The following ABTB3 variants were observed in gnomAD, a reference collection of about 807,000 sequenced individuals.
The protein encoded by ABTB3 is ankyrin repeat- and BTB/POZ domain-containing protein 3.
At chr12:107,589,657 G>A in the ABTB3 span, among the ~76,000 whole-genome samples, 1 of 152,236 alleles carries the variant, frequency 6.6e-6, no homozygotes, top group African/African-American at 2.4e-5. Context: ...CTTGTCCCAA[G>A]TGAGCAGAGG....
the ABTB3 span, among the ~76,000 whole-genome samples, chr12:107,477,134 C>A: frequency 6.6e-6 from 1 of 152,082 alleles, no homozygotes; most frequent in Non-Finnish European, 1.5e-5. Context: ...AAAATCAAGG[C>A]ATTGGTGCGC....
At chr12:107,356,357 C>T in the ABTB3 span, among the ~76,000 whole-genome samples, 1 of 152,226 alleles carries the variant, frequency 6.6e-6, no homozygotes, top group Non-Finnish European at 1.5e-5. Context: ...GAATGCACTT[C>T]CCCTTCCTTA....
chr12:107,626,343 C>CTT, the ABTB3 span, among the ~76,000 whole-genome samples: 4,457 of 112,430 alleles, frequency 0.04, 280 homozygotes, highest in Non-Finnish European at 0.048. Context: ...CTATCGTCAT[C>CTT]TTTTTTTTTT....
the ABTB3 span, among the ~76,000 whole-genome samples, chr12:107,432,891 T>C: frequency 6.6e-6 from 1 of 152,152 alleles, no homozygotes; most frequent in South Asian, 2.1e-4. Flanking sequence ...CTTAACGAGA[T>C]TGTGTTGTGA....
chr12:107,548,928 G>T, the ABTB3 span, among the ~76,000 whole-genome samples: 2 of 152,082 alleles, frequency 1.3e-5, no homozygotes, highest in African/African-American at 4.8e-5. Context: ...GTATTTTGTT[G>T]CCTCAGGTAG....
the ABTB3 span, among the ~76,000 whole-genome samples, chr12:107,470,496 C>T: frequency 6.6e-6 from 1 of 152,104 alleles, no homozygotes; most frequent in East Asian, 1.9e-4. Context: ...GTCCTTTGCC[C>T]CGAGGAGGGC....
the ABTB3 span, among the ~76,000 whole-genome samples, chr12:107,416,995 T>A: frequency 6.6e-6 from 1 of 152,164 alleles, no homozygotes; most frequent in Non-Finnish European, 1.5e-5. Context: ...GAGAACAGGA[T>A]CCCTAGTGAT....
At chr12:107,559,659 G>T in the ABTB3 span, among the ~76,000 whole-genome samples, 1 of 152,136 alleles carries the variant, frequency 6.6e-6, no homozygotes, top group East Asian at 1.9e-4. Flanking sequence ...CAGTAAATTT[G>T]GTCATTTGCC....
chr12:107,526,089 A>C, the ABTB3 span, among the ~76,000 whole-genome samples: 5 of 152,216 alleles, frequency 3.3e-5, no homozygotes, highest in African/African-American at 1.2e-4. Context: ...TGAATAATGA[A>C]TGACCTAAAG....
chr12:107,482,989 C>T, the ABTB3 span, among the ~76,000 whole-genome samples: 3,925 of 16,426 alleles, frequency 0.24, 245 homozygotes, highest in Non-Finnish European at 0.3. Context: ...TCTTTCTTTC[C>T]TTCCTTCCTT....
At chr12:107,645,795 G>A in the ABTB3 span, among the ~76,000 whole-genome samples, 1 of 152,182 alleles carries the variant, frequency 6.6e-6, no homozygotes, top group East Asian at 1.9e-4. Context: ...GGAATCCCGA[G>A]GCCTGTAATT....
chr12:107,467,669 G>C, the ABTB3 span, among the ~76,000 whole-genome samples: 1 of 152,074 alleles, frequency 6.6e-6, no homozygotes, highest in East Asian at 1.9e-4. Flanking sequence ...TCAAGACCCA[G>C]CTATATCATG....
chr12:107,411,472 G>A, the ABTB3 span, among the ~76,000 whole-genome samples: 21 of 152,192 alleles, frequency 1.4e-4, no homozygotes, highest in Non-Finnish European at 1.8e-4. Flanking sequence ...CAATAAGTGC[G>A]GTGTCTGGCA....
At chr12:107,435,869 C>T in the ABTB3 span, among the ~76,000 whole-genome samples, 3 of 152,222 alleles carry the variant, frequency 2.0e-5, no homozygotes, top group African/African-American at 7.2e-5. Flanking sequence ...TGTTCTGTAT[C>T]TGTGCTGTCC....
chr12:107,612,984 A>C, the ABTB3 span: 2 of 934,502 alleles, frequency 2.1e-6, no homozygotes, highest in East Asian at 2.7e-5. Flanking sequence ...AGTGCAACAG[A>C]TAGCTCTTTC....
the ABTB3 span, among the ~76,000 whole-genome samples, chr12:107,525,450 A>T: frequency 6.6e-6 from 1 of 151,852 alleles, no homozygotes; most frequent in Non-Finnish European, 1.5e-5. Flanking sequence ...AGTACTTCCC[A>T]TTGTGTTACG....
chr12:107,327,690 C>T, the ABTB3 span, among the ~76,000 whole-genome samples: 1 of 152,214 alleles, frequency 6.6e-6, no homozygotes, highest in South Asian at 2.1e-4. Flanking sequence ...TTTCCAGGCT[C>T]TAGTATAACC....
At chr12:107,588,102 G>A in the ABTB3 span, among the ~76,000 whole-genome samples, 1 of 152,218 alleles carries the variant, frequency 6.6e-6, no homozygotes, top group South Asian at 2.1e-4. Flanking sequence ...TCTTCACATG[G>A]CCCTCTTTCC....
chr12:107,541,776 G>C, the ABTB3 span, among the ~76,000 whole-genome samples: 1 of 152,274 alleles, frequency 6.6e-6, no homozygotes, highest in African/African-American at 2.4e-5. Context: ...TAGGGGATGA[G>C]GGGGCATGAA....
Sources: allele counts gnomAD v4.1 joint callset (sites outside exome capture counted in the v4.1 genomes callset), GRCh38; gene constraint gnomAD v4.1.1; transcripts MANE v1.5; gene names NCBI Gene and HGNC (gene_info 2026-07-23, HGNC 2026-07-21).